KITLG: variants seen among roughly 807,000 people sequenced by gnomAD.
KITLG encodes c-Kit ligand.
A neutral mutation model predicts 34.1 loss-of-function variants in KITLG; 13 were observed. The ratio of observed to expected loss-of-function variants is 0.38; its 90% confidence interval spans 0.25 to 0.61. The LOEUF is 0.61. Ranked by LOEUF, KITLG falls within the 20% of genes least tolerant of loss-of-function variation. The pLI is 0.60. For synonymous variants in KITLG, 110 were observed against 104.0 expected (o/e 1.06, Z -0.35); for missense variants, 292 against 318.9 (o/e 0.92, Z 0.64).
chr12:88,520,301 T>C (rs1171527063), intron 3 of KITLG, among the ~76,000 whole-genome samples: 2 of 152,206 alleles, frequency 1.3e-5, no homozygotes, highest in Non-Finnish European at 2.9e-5. Flanking sequence ...AAGCTGTCAG[T>C]CTTTCCTTGG....
intron 1 of KITLG, among the ~76,000 whole-genome samples, chr12:88,565,643 AAAC>A (rs1353465203): frequency 6.6e-6 from 1 of 152,160 alleles, no homozygotes; most frequent in Non-Finnish European, 1.5e-5. Flanking sequence ...AGAAACAAAC[AAAC>A]AAAATCTCTA....
chr12:88,510,723 A>T (rs1869245505), intron 6 of KITLG, among the ~76,000 whole-genome samples: 1 of 152,124 alleles, frequency 6.6e-6, no homozygotes, highest in East Asian at 1.9e-4. Context: ...CCATTCTCCC[A>T]TGACTTTTCC....
intron 6 of KITLG, 55 bp downstream of exon 6, chr12:88,515,479 T>C (rs1188833744): frequency 3.7e-6 from 4 of 1,073,370 alleles, no homozygotes; most frequent in Non-Finnish European, 5.8e-6. Context: ...CATGCAATAC[T>C]CCTATAGGTG....
chr12:88,521,933 C>CTGACTCAATGATAT (rs1231301957), intron 3 of KITLG, among the ~76,000 whole-genome samples: 2 of 152,130 alleles, frequency 1.3e-5, no homozygotes, highest in Non-Finnish European at 2.9e-5. Flanking sequence ...AGAATCCAAA[C>CTGACTCAATGATAT]TGACTCAATG....
At position 88,496,533 on chromosome 12, in the gene KITLG, C is replaced by T. The variant is rs1423930325; in HGVS notation, c.*686G>A. 1.3e-5 allele frequency: 2 copies of T among 152,200 alleles called. No individual in the cohort carries two copies. The highest frequency in any genetic ancestry group is 2.9e-5 in the Non-Finnish European group (2 of 68,048). The allele number at this position is 152,200 out of a possible 1,614,324, so 9.4% of individuals were successfully genotyped here. The stretch of plus-strand genomic sequence containing the variant: ...CCCTCTGCCAAGGCATAATTCAGTA[C>T]TGGCTCCCTTGCATAAATGGAACCA... On this transcript the variant is annotated 3_prime_UTR_variant, in exon 10 of 10. Coordinates refer to ENST00000644744, the MANE Select transcript of KITLG (RefSeq NM_000899.5).
At chr12:88,504,740 T>G (rs1248526378) in intron 9 of KITLG, among the ~76,000 whole-genome samples, 1 of 152,152 alleles carries the variant, frequency 6.6e-6, no homozygotes, top group African/African-American at 2.4e-5. Context: ...GAAACACCAT[T>G]TGACCCAGGC....
intron 1 of KITLG, chr12:88,546,162 T>C: frequency 1.3e-5 from 6 of 447,348 alleles, no homozygotes; most frequent in South Asian, 1.2e-4. Flanking sequence ...TGTTAAAGAC[T>C]TAGCCCTTAG....
At chr12:88,508,229 CA>C in intron 6 of KITLG, among the ~76,000 whole-genome samples, 1 of 151,162 alleles carries the variant, frequency 6.6e-6, no homozygotes, top group African/African-American at 2.4e-5. Flanking sequence ...ATTAAATAAA[CA>C]AAACACATCT....
rs1216754484 is a variant in KITLG, at chr12:88,572,820, AC to A, written c.15+7443del. Among the ~76,000 whole-genome samples the A allele has an allele frequency of 2.6e-5, 4 of 152,138 alleles. No individual in the cohort carries two copies. The East Asian group carries it at 7.7e-4, about 29-fold the overall frequency. On this transcript the variant is annotated intron_variant, in intron 1 of 9. Transcript: ENST00000644744. Reference sequence around the variant, plus strand: ...TTTGGACCACCTGGAAGTAGAAAGCACCAGCCATTCTCCTATACTGTGATAA... The same window carrying A: ...TTTGGACCACCTGGAAGTAGAAAGCACAGCCATTCTCCTATACTGTGATAA...
At chr12:88,521,068 T>A (rs1269881017) in intron 3 of KITLG, among the ~76,000 whole-genome samples, 1 of 152,200 alleles carries the variant, frequency 6.6e-6, no homozygotes, top group Non-Finnish European at 1.5e-5. Context: ...ACACTTGTAA[T>A]CATGTTTCAC....
At chr12:88,529,160 A>T (rs555574692) in intron 3 of KITLG, among the ~76,000 whole-genome samples, 121 of 152,284 alleles carry the variant, frequency 7.9e-4, no homozygotes, top group African/African-American at 1.6e-3. Flanking sequence ...AAATAAAAAA[A>T]TTTTTTTAAA....
At chr12:88,569,357 A>T (rs1871565808) in intron 1 of KITLG, among the ~76,000 whole-genome samples, 1 of 152,178 alleles carries the variant, frequency 6.6e-6, no homozygotes, top group Admixed American at 6.5e-5. Flanking sequence ...TACTCAGGAC[A>T]AAAGTGAATT....
At chr12:88,560,182 G>A (rs4474514) in intron 1 of KITLG, among the ~76,000 whole-genome samples, 100,164 of 152,100 alleles carry the variant, frequency 0.66, 36,712 homozygotes, top group Middle Eastern at 0.86. Context: ...CCAATTGGCA[G>A]ATCTATGAGA....
intron 4 of KITLG, among the ~76,000 whole-genome samples, chr12:88,517,499 C>T (rs1345063266): frequency 6.6e-6 from 1 of 152,048 alleles, no homozygotes; most frequent in African/African-American, 2.4e-5. Flanking sequence ...TTAGTAAATG[C>T]ACATTCTTTG....
intron 3 of KITLG, among the ~76,000 whole-genome samples, chr12:88,528,970 G>A (rs1296299316): frequency 6.6e-6 from 1 of 152,120 alleles, no homozygotes; most frequent in Admixed American, 6.5e-5. Flanking sequence ...TAATAAAAAT[G>A]TCTGTTTCAA....
chr12:88,509,990 T>C (rs945878539), intron 6 of KITLG, among the ~76,000 whole-genome samples: 4 of 152,122 alleles, frequency 2.6e-5, no homozygotes, highest in African/African-American at 9.7e-5. Flanking sequence ...GCAGAGAATT[T>C]ATGTGGAGAG....
At chr12:88,573,005 C>CA (rs1343709554) in intron 1 of KITLG, among the ~76,000 whole-genome samples, 4 of 151,960 alleles carry the variant, frequency 2.6e-5, no homozygotes, top group African/African-American at 9.7e-5. Flanking sequence ...GGTTGTTCAT[C>CA]AAAAAAGGAA....
chr12:88,574,633 T>C (rs1266540102), intron 1 of KITLG, among the ~76,000 whole-genome samples: 1 of 152,174 alleles, frequency 6.6e-6, no homozygotes, highest in Non-Finnish European at 1.5e-5. Flanking sequence ...TTCCTCTGAT[T>C]CTCCCCTCAG....
chr12:88,507,123 G>A lies in KITLG; in HGVS notation c.619C>T (p.Pro207Ser), dbSNP rs866560837. ...SSSSNRKAKN[P>S]PGDSSLHWAA... ...CAGTGTAGGCTGGAGTCTCCAGGGG[G>A]ATTTTTGGCCTTCCCTATAATTTAA... The change falls in exon 7 of 10, where the codon CCC becomes TCC. Residue 207 changes from proline (P) to serine (S), a missense_variant. Transcript: ENST00000644744. The A allele has an allele frequency of 6.2e-7, 1 of 1,610,486 alleles. No homozygotes were observed. The highest frequency in any genetic ancestry group is 8.5e-7 in the Non-Finnish European group (1 of 1,176,768).
Sources: allele counts gnomAD v4.1 joint callset (sites outside exome capture counted in the v4.1 genomes callset), GRCh38; gene constraint gnomAD v4.1.1; transcripts MANE v1.5; gene names NCBI Gene and HGNC (gene_info 2026-07-23, HGNC 2026-07-21).